The following TNR variants were observed in gnomAD, a reference collection of about 807,000 sequenced individuals.
TNR encodes the protein tenascin-R.
A neutral mutation model predicts 150.4 loss-of-function variants in TNR; 45 were observed. The ratio of observed to expected loss-of-function variants is 0.30; its 90% confidence interval spans 0.24 to 0.38. The LOEUF (loss-of-function observed/expected upper bound fraction) is 0.38. Ranked by LOEUF, TNR falls within the 10% of genes least tolerant of loss-of-function variation. TNR has a pLI of 1.00. For missense variants in TNR, 1,544 were observed against 1,759.1 expected (o/e 0.88, Z 2.19); for synonymous variants, 687 against 678.4 (o/e 1.01, Z -0.20).
intron 1 of TNR, among the ~76,000 whole-genome samples, chr1:175,553,817 A>AACACACACACACACACACACACAC (rs58714689): frequency 5.0e-4 from 73 of 145,486 alleles, no homozygotes; most frequent in South Asian, 6.7e-4. Context: ...TACAAGAACA[A>AACACACACACACACACACACACAC]ACACACACAC....
intron 1 of TNR, among the ~76,000 whole-genome samples, chr1:175,644,759 G>A (rs1023553050): frequency 4.6e-5 from 7 of 152,232 alleles, no homozygotes; most frequent in African/African-American, 1.2e-4. Context: ...CTTAAAACAG[G>A]TAGAATCCAT....
intron 4 of TNR, among the ~76,000 whole-genome samples, chr1:175,400,337 C>G (rs2298915): frequency 0.11 from 16,836 of 152,210 alleles, 1,105 homozygotes; most frequent in South Asian, 0.16. Context: ...TTTCTTACTC[C>G]GCCATTAATT....
chr1:175,398,774 A>G (rs1262457272), intron 4 of TNR, among the ~76,000 whole-genome samples: 1 of 152,264 alleles, frequency 6.6e-6, no homozygotes, highest in Non-Finnish European at 1.5e-5. Flanking sequence ...TAGCCAATAT[A>G]CAATACCACT....
In TNR at chr1:175,535,486, AG is replaced by A. The variant is rs1660241326; in HGVS notation, c.-164-7118del. ...TGTTGTTGTTGTTGTTTTGAGACGGAGTCTCGCTCTGTCGCCCAGGCTGGAG... is the reference window on the plus strand; with the variant it reads ...TGTTGTTGTTGTTGTTTTGAGACGGATCTCGCTCTGTCGCCCAGGCTGGAG... On this transcript the variant is annotated intron_variant, in intron 1 of 22. Transcript: ENST00000367674. Among the ~76,000 whole-genome samples the A allele has an allele frequency of 4.0e-5, 6 of 151,776 alleles. No homozygotes were observed. In the South Asian group the frequency reaches 1.2e-3, roughly 32 times the overall value.
chr1:175,428,445 G>T (rs543677227), intron 2 of TNR, among the ~76,000 whole-genome samples: 5 of 152,214 alleles, frequency 3.3e-5, no homozygotes, highest in Non-Finnish European at 5.9e-5. Context: ...ACTTGCAGCT[G>T]ACATTTACAT....
chr1:175,351,680 G>T (rs544480209), intron 18 of TNR, among the ~76,000 whole-genome samples: 1 of 152,136 alleles, frequency 6.6e-6, no homozygotes, highest in African/African-American at 2.4e-5. Flanking sequence ...CATTTCAGTG[G>T]GTTCTGATAA....
chr1:175,486,569 T>A (rs192327145), intron 2 of TNR, among the ~76,000 whole-genome samples: 1 of 152,212 alleles, frequency 6.6e-6, no homozygotes, highest in Non-Finnish European at 1.5e-5. Context: ...TTGTGAACAG[T>A]GCTGCAATAA....
chr1:175,359,693 T>C lies in TNR; in HGVS notation c.2893A>G (p.Thr965Ala). Residue 965 changes from threonine (T) to alanine (A), a missense_variant, in exon 15 of 23, where the codon ACT becomes GCT. By Grantham distance (58) the Thr-to-Ala change is moderately conservative (BLOSUM62 0). Around this residue, in one of 2 missense-constraint regions of TNR, gnomAD observed 1,254 missense variants for 1,329.4 expected, o/e 0.94. Transcript: ENST00000367674. ...CACTGCAGCAGGGCTTCTGTTGGAG[T>C]GATATTGGTAGCAATCAGATCCACA... is the stretch of plus-strand genomic sequence containing the variant. ...NPVDLIATNITPTEALLQWKA... is the reference protein window; with the variant it reads ...NPVDLIATNIAPTEALLQWKA... 1.2e-6 allele frequency: 2 copies of C among 1,613,562 alleles called. No individual in the cohort carries two copies. The highest frequency in any genetic ancestry group is 2.2e-5 in the South Asian group (2 of 91,018).
At chr1:175,574,005 A>G (rs549162496) in intron 1 of TNR, among the ~76,000 whole-genome samples, 2 of 152,316 alleles carry the variant, frequency 1.3e-5, no homozygotes, top group East Asian at 1.9e-4. Context: ...TTCCTTGGAT[A>G]TGAGTTGGGA....
intron 2 of TNR, among the ~76,000 whole-genome samples, chr1:175,518,258 A>G (rs1659494557): frequency 6.6e-6 from 1 of 152,206 alleles, no homozygotes; most frequent in African/African-American, 2.4e-5. Context: ...GGATTGGCTC[A>G]TGCACAACAA....
intron 18 of TNR, among the ~76,000 whole-genome samples, chr1:175,345,599 C>G (rs891931958): frequency 6.6e-6 from 1 of 151,924 alleles, no homozygotes; most frequent in East Asian, 1.9e-4. Context: ...AAAGAGTAAG[C>G]AAGTGAGTTG....
intron 1 of TNR, among the ~76,000 whole-genome samples, chr1:175,689,609 G>C: frequency 6.6e-6 from 1 of 152,182 alleles, no homozygotes; most frequent in East Asian, 1.9e-4. Flanking sequence ...CCCTGGCTTG[G>C]GTCCCGTGGA....
intron 1 of TNR, among the ~76,000 whole-genome samples, chr1:175,625,965 C>T (rs1664140801): frequency 2.9e-5 from 4 of 135,746 alleles, no homozygotes; most frequent in Middle Eastern, 7.2e-3. Context: ...GTGGGAGGGA[C>T]CCGGGGGGGA....
chr1:175,539,035 T>G (rs1354618117), intron 1 of TNR: 1 of 152,152 alleles, frequency 6.6e-6, no homozygotes, highest in Admixed American at 6.5e-5. Flanking sequence ...TATTGTGAGA[T>G]CCTTGAAGAC....
intron 2 of TNR, among the ~76,000 whole-genome samples, chr1:175,444,810 G>A (rs530303781): frequency 4.6e-5 from 7 of 152,256 alleles, no homozygotes; most frequent in Admixed American, 6.5e-5. Flanking sequence ...TGTTTCATCC[G>A]GGACCTGAAG....
At chr1:175,350,419 C>A (rs1651000836) in intron 18 of TNR, among the ~76,000 whole-genome samples, 1 of 152,180 alleles carries the variant, frequency 6.6e-6, no homozygotes, top group Non-Finnish European at 1.5e-5. Flanking sequence ...ATCATTTCAC[C>A]AAGTCCTGGC....
At chr1:175,554,631 T>C (rs78958084) in intron 1 of TNR, among the ~76,000 whole-genome samples, 4,346 of 152,296 alleles carry the variant, frequency 0.029, 75 homozygotes, top group South Asian at 0.067. Flanking sequence ...ATTTGGTGGC[T>C]AAGGCTCTGG....
intron 2 of TNR, among the ~76,000 whole-genome samples, chr1:175,501,001 C>T (rs1372918179): frequency 6.6e-6 from 1 of 152,150 alleles, no homozygotes; most frequent in Admixed American, 6.5e-5. Context: ...GGTATACATA[C>T]CCTGCATGAT....
At position 175,356,447 on chromosome 1, in the gene TNR, A is replaced by T; in HGVS notation, c.2990T>A (p.Ile997Asn). Residue 997 changes from isoleucine to asparagine, a missense_variant, in exon 16 of 23, where the codon ATC becomes AAC. By Grantham distance (149) the Ile-to-Asn change is moderately radical. Around this residue, in one of 2 missense-constraint regions of TNR, gnomAD observed 1,254 missense variants for 1,329.4 expected, o/e 0.94. Coordinates refer to ENST00000367674, the MANE Select transcript of TNR (RefSeq NM_003285.3). ...LTHFAVAGET[I>N]LVDGVSEEFR... ...TTCCTCACTGACTCCGTCAACAAGG[A>T]TGGTCTCTCCAGCGACTGAACTCAA... 2 of 1,613,988 alleles carry T rather than the reference A, an allele frequency of 1.2e-6. No homozygotes were observed. Among genetic ancestry groups the T allele is most frequent in the South Asian group, 1.1e-5 (1 of 91,076 alleles).
Sources: gnomAD v4.1 joint callset for allele counts (sites outside exome capture counted in the v4.1 genomes callset) on GRCh38, gnomAD v4.1.1 for gene constraint, gnomAD v4.1.1 regional missense constraint, MANE v1.5 for transcripts, NCBI Gene and HGNC (gene_info 2026-07-23, HGNC 2026-07-21) for gene names.